The following ABCA1 variants were observed in gnomAD, a reference collection of about 807,000 sequenced individuals.
The protein encoded by ABCA1 is ATP binding cassette subfamily A member 1.
In ABCA1, 133 loss-of-function variants were observed where a neutral mutation model predicts 262.5. The observed-to-expected ratio is 0.51, with a 90% CI of 0.44 to 0.59. The LOEUF is 0.59. Among genes scored for constraint, ABCA1 ranks in the 20% least tolerant of loss-of-function variants. ABCA1 has a pLI of 0.00. For synonymous variants in ABCA1, 1,022 were observed against 1,043.5 expected (o/e 0.98, Z 0.40); for missense variants, 2,452 against 2,777.5 (o/e 0.88, Z 2.63).
chr9:104,851,898 C>A (rs1449587517), intron 7 of ABCA1, among the ~76,000 whole-genome samples: 1 of 152,116 alleles, frequency 6.6e-6, no homozygotes, highest in Non-Finnish European at 1.5e-5. Context: ...GGAGTCACAG[C>A]CAAATAGAAG....
At chr9:104,835,835 G>A (rs1267703702) in intron 11 of ABCA1, among the ~76,000 whole-genome samples, 1 of 152,192 alleles carries the variant, frequency 6.6e-6, no homozygotes, top group Non-Finnish European at 1.5e-5. Context: ...CTAAGGCAAA[G>A]TCAATTTCAG....
At chr9:104,870,729 C>A (rs1050910520) in intron 5 of ABCA1, among the ~76,000 whole-genome samples, 1 of 152,108 alleles carries the variant, frequency 6.6e-6, no homozygotes, top group Admixed American at 6.5e-5. Flanking sequence ...CTGTTTTTTT[C>A]ACCTGGCTGC....
chr9:104,871,056 A>C (rs1283671908), intron 5 of ABCA1, among the ~76,000 whole-genome samples: 3 of 152,200 alleles, frequency 2.0e-5, no homozygotes, highest in Non-Finnish European at 4.4e-5. Context: ...TGTGCAAGTC[A>C]CAGGGGATGC....
chr9:104,799,278 A>C (rs1407561456), intron 36 of ABCA1, among the ~76,000 whole-genome samples: 1 of 152,088 alleles, frequency 6.6e-6, no homozygotes, highest in Non-Finnish European at 1.5e-5. Flanking sequence ...GGCAATTTAC[A>C]TGAACTGCCT....
intron 44 of ABCA1, among the ~76,000 whole-genome samples, chr9:104,789,330 C>T (rs183789651): frequency 2.0e-5 from 3 of 152,310 alleles, no homozygotes; most frequent in Admixed American, 6.5e-5. Context: ...CTGCTATATG[C>T]GTCAGGAGCT....
At chr9:104,797,836 G>A (rs1036103141) in intron 37 of ABCA1, among the ~76,000 whole-genome samples, 17 of 152,202 alleles carry the variant, frequency 1.1e-4, no homozygotes, top group East Asian at 7.7e-4. Context: ...GATTTGCTCT[G>A]TGTAGCTTAT....
chr9:104,822,603 G>C lies in ABCA1; in HGVS notation c.2721C>G (p.Val907=). Residue 907 remains valine, a synonymous_variant, in exon 19 of 50, where the codon GTC becomes GTG. Coordinates refer to ENST00000374736, the MANE Select transcript of ABCA1 (RefSeq NM_005502.4). ...CAGCCACCTTCATCCCATCTCGGTA[G>C]ACTTTTACCAGGTTCTGAATGGACA... ...LGVSIQNLVK[V]YRDGMKVAVD... is the part of the protein sequence containing the mutation. 1 of 1,614,140 alleles carries C rather than the reference G, an allele frequency of 6.2e-7. No homozygotes were observed. Among genetic ancestry groups the C allele is most frequent in the Non-Finnish European group, 8.5e-7 (1 of 1,180,020 alleles).
intron 19 of ABCA1, 38 bp from the exon 20 acceptor site, chr9:104,821,544 GACCTACCCTT>G: frequency 6.2e-7 from 1 of 1,612,332 alleles, no homozygotes; most frequent in Middle Eastern, 1.9e-4. Flanking sequence ...AGTCAGGGTT[GACCTACCCTT>G]AACTCTAGAT....
intron 2 of ABCA1, among the ~76,000 whole-genome samples, chr9:104,900,697 G>A (rs1188286771): frequency 1.3e-5 from 2 of 152,180 alleles, no homozygotes; most frequent in African/African-American, 4.8e-5. Flanking sequence ...TGGTTCTGGT[G>A]CTACTTTCCT....
At position 104,831,154 on chromosome 9, in the gene ABCA1, A is replaced by G. The variant is rs1833278658; in HGVS notation, c.1716-53T>C. 32 of 1,387,550 alleles carry G rather than the reference A, an allele frequency of 2.3e-5. No individual in the cohort carries two copies. The South Asian group carries it at 3.9e-4, about 17-fold the overall frequency. The allele number at this position is 1,387,550 out of a possible 1,614,324, so 86.0% of individuals were successfully genotyped here. A position where few individuals can be genotyped will look rare whatever the true frequency, so the allele number is the denominator to read the frequency against. The stretch of plus-strand genomic sequence containing the variant: ...ATTCCTTTAGAACCATACAATAAAA[A>G]AAAAAAAAAAAAAAAATTGCCCAAA... On this transcript the variant is annotated intron_variant, in intron 13 of 49. Transcript: ENST00000374736.
At chr9:104,926,474 A>C (rs867097353) in intron 1 of ABCA1, among the ~76,000 whole-genome samples, 11,996 of 143,158 alleles carry the variant, frequency 0.084, 721 homozygotes, top group Admixed American at 0.19. Flanking sequence ...AAAAAACAAA[A>C]AAAAAAAAAC....
In ABCA1 at chr9:104,831,708, T is replaced by A; in HGVS notation, c.1629A>T (p.Pro543=). 6.2e-7 allele frequency: 1 copy of A among 1,614,182 alleles called. No individual in the cohort carries two copies. The highest frequency in any genetic ancestry group is 8.5e-7 in the Non-Finnish European group (1 of 1,179,976). ...WAGIVFTGIT[P]GSIELPHHVK... ...CATGATGGGGCAGCTCAATGCTGCC[T>A]GGAGTAATTCCAGTGAACACAATAC... Residue 543 remains proline (P), a synonymous_variant, in exon 13 of 50, where the codon CCA becomes CCT. Coordinates refer to ENST00000374736, the MANE Select transcript of ABCA1 (RefSeq NM_005502.4).
At chr9:104,856,867 A>T (rs1355721606) in intron 7 of ABCA1, among the ~76,000 whole-genome samples, 2 of 152,246 alleles carry the variant, frequency 1.3e-5, no homozygotes, top group Non-Finnish European at 2.9e-5. Flanking sequence ...TGTACCATTC[A>T]TAATAACCTT....
chr9:104,925,192 C>A (rs1367518030), intron 1 of ABCA1, among the ~76,000 whole-genome samples: 3 of 152,164 alleles, frequency 2.0e-5, no homozygotes, highest in African/African-American at 7.2e-5. Flanking sequence ...TCCTGGCCAA[C>A]ATGGTGAAAC....
intron 49 of ABCA1, among the ~76,000 whole-genome samples, chr9:104,785,090 C>CT (rs1828808918): frequency 6.6e-6 from 1 of 152,100 alleles, no homozygotes; most frequent in Non-Finnish European, 1.5e-5. Context: ...CTATTTGGTA[C>CT]TTTTTTATCT....
At chr9:104,890,961 T>C (rs1287000845) in intron 2 of ABCA1, among the ~76,000 whole-genome samples, 1 of 152,210 alleles carries the variant, frequency 6.6e-6, no homozygotes. Flanking sequence ...ATAAATAATA[T>C]TTTTTCTCTA....
intron 1 of ABCA1, among the ~76,000 whole-genome samples, chr9:104,925,244 G>A (rs1187776748): frequency 1.3e-5 from 2 of 152,104 alleles, no homozygotes; most frequent in East Asian, 3.9e-4. Context: ...AGGCATGGTG[G>A]CGTGCGCCTA....
At chr9:104,852,207 T>C (rs1427527603) in intron 7 of ABCA1, among the ~76,000 whole-genome samples, 1 of 152,214 alleles carries the variant, frequency 6.6e-6, no homozygotes, top group African/African-American at 2.4e-5. Context: ...TATGTTTTAG[T>C]TCAAACTGAA....
chr9:104,802,565 T>C (rs1883023), intron 33 of ABCA1, among the ~76,000 whole-genome samples: 91,230 of 152,078 alleles, frequency 0.6, 31,803 homozygotes, highest in Non-Finnish European at 0.76. Flanking sequence ...CTCCGGCTCC[T>C]TTCTAGCATG....
Sources: allele counts gnomAD v4.1 joint callset (sites outside exome capture counted in the v4.1 genomes callset), GRCh38; gene constraint gnomAD v4.1.1; transcripts MANE v1.5; gene names NCBI Gene and HGNC (gene_info 2026-07-23, HGNC 2026-07-21).